Variants in PIBF1 observed in about 807,000 individuals in gnomAD.
PIBF1 encodes the protein progesterone-induced-blocking factor 1.
A neutral mutation model predicts 112.5 loss-of-function variants in PIBF1; 90 were observed. That is an observed-to-expected ratio of 0.80 (90% confidence interval 0.67 to 0.95). The LOEUF is 0.95. Among genes scored for constraint, PIBF1 ranks in the 40% least tolerant of loss-of-function variants. The pLI is 0.00. For synonymous variants in PIBF1, 301 were observed against 288.6 expected (o/e 1.04, Z -0.44); for missense variants, 915 against 852.3 (o/e 1.07, Z -0.92).
rs116051737 is a variant in PIBF1, at chr13:72,897,081, A to G, written c.1488+3132A>G. Among the ~76,000 whole-genome samples the G allele has an allele frequency of 6.7e-3, 1,016 of 152,338 alleles. 19 individuals are homozygous for G. Among genetic ancestry groups the G allele is most frequent in the African/African-American group, 0.022 (934 of 41,576 alleles). The stretch of plus-strand genomic sequence containing the variant: ...CAGGTTTTCCTATAGAGGAAAACCT[A>G]TAAGATTAACAGCAGATTCCTCAGC... On this transcript the variant is annotated intron_variant, in intron 11 of 17. Transcript: ENST00000326291.
chr13:72,944,847 A>C (rs950097686), intron 14 of PIBF1, among the ~76,000 whole-genome samples: 1 of 151,934 alleles, frequency 6.6e-6, no homozygotes, highest in South Asian at 2.1e-4. Flanking sequence ...GTTCACTGCA[A>C]CCTCTGCCTC....
chr13:72,873,105 A>C (rs929965542), intron 10 of PIBF1, among the ~76,000 whole-genome samples: 2 of 152,206 alleles, frequency 1.3e-5, no homozygotes, highest in African/African-American at 4.8e-5. Context: ...TAAAATTTAC[A>C]TGGAAATCGA....
intron 13 of PIBF1, among the ~76,000 whole-genome samples, chr13:72,927,039 A>G (rs916212740): frequency 2.0e-5 from 3 of 151,832 alleles, no homozygotes; most frequent in African/African-American, 4.8e-5. Flanking sequence ...ATTGATATTC[A>G]TCACCAAGAA....
chr13:72,827,441 G>A (rs1025558186), intron 7 of PIBF1, among the ~76,000 whole-genome samples: 13 of 151,710 alleles, frequency 8.6e-5, no homozygotes, highest in Non-Finnish European at 1.8e-4. Flanking sequence ...TAGAAACAGG[G>A]TTTCACCATG....
chr13:72,895,503 T>C (rs1292105165), intron 11 of PIBF1, among the ~76,000 whole-genome samples: 1 of 151,774 alleles, frequency 6.6e-6, no homozygotes, highest in Non-Finnish European at 1.5e-5. Flanking sequence ...AGAAATGAAA[T>C]GCAAATTGCT....
At chr13:73,014,265 A>G (rs1462391262) in intron 17 of PIBF1, among the ~76,000 whole-genome samples, 1 of 152,006 alleles carries the variant, frequency 6.6e-6, no homozygotes, top group African/African-American at 2.4e-5. Flanking sequence ...CTAAAATTGT[A>G]CCTATTCTCT....
intron 10 of PIBF1, among the ~76,000 whole-genome samples, chr13:72,889,944 GTTGT>G (rs1382374163): frequency 6.6e-6 from 1 of 152,150 alleles, no homozygotes; most frequent in Non-Finnish European, 1.5e-5. Flanking sequence ...TCAAAAATCA[GTTGT>G]TTCTCATTGA....
intron 14 of PIBF1, 114 bp from the exon 15 acceptor site, chr13:72,965,160 T>A: frequency 1.1e-6 from 1 of 914,778 alleles, no homozygotes; most frequent in Non-Finnish European, 1.7e-6. Flanking sequence ...GAAAAGCTTT[T>A]CAGAATAATT....
chr13:72,883,026 T>A (rs2039705065), intron 10 of PIBF1, among the ~76,000 whole-genome samples: 1 of 152,182 alleles, frequency 6.6e-6, no homozygotes, highest in South Asian at 2.1e-4. Flanking sequence ...CAAAGAAATA[T>A]CTGCACTTCC....
intron 8 of PIBF1, among the ~76,000 whole-genome samples, chr13:72,833,639 A>G (rs971014742): frequency 1.3e-5 from 2 of 152,170 alleles, no homozygotes; most frequent in Admixed American, 6.5e-5. Context: ...CCAGAGGGGC[A>G]CCTGCCAGAT....
intron 14 of PIBF1, among the ~76,000 whole-genome samples, chr13:72,962,909 G>A (rs889979731): frequency 2.0e-5 from 3 of 152,192 alleles, no homozygotes; most frequent in Non-Finnish European, 4.4e-5. Flanking sequence ...CAGCAAAACA[G>A]TGTGCAACTA....
At position 72,965,260 on chromosome 13, in the gene PIBF1, CT is replaced by C. The variant is rs2042709742; in HGVS notation, c.1834-13del. On this transcript the variant is annotated splice_polypyrimidine_tract_variant and intron_variant, in intron 14 of 17. Coordinates refer to ENST00000326291, the MANE Select transcript of PIBF1 (RefSeq NM_006346.4). ...CACATTTTCTAGATTTTAATGAAAC[CT>C]GTGTTTCTTTAGCTTGACAGAGCCA... 1.2e-6 allele frequency: 2 copies of C among 1,602,170 alleles called. No homozygotes were observed. Among genetic ancestry groups the C allele is most frequent in the Non-Finnish European group, 1.7e-6 (2 of 1,174,882 alleles).
At position 72,939,090 on chromosome 13, in the gene PIBF1, G is replaced by T. The variant is rs74743087; in HGVS notation, c.1833+7823G>T. 3.3e-5 allele frequency among the ~76,000 whole-genome samples: 5 copies of T among 152,176 alleles called. No homozygotes were observed. In the East Asian group the frequency reaches 7.7e-4, roughly 23 times the overall value. ...GACCTTTATCCAATACATGATTTGCGAATATTTTCTCCCATTCTGTGTGGG... is the reference window on the plus strand; with the variant it reads ...GACCTTTATCCAATACATGATTTGCTAATATTTTCTCCCATTCTGTGTGGG... On this transcript the variant is annotated intron_variant, in intron 14 of 17. Coordinates refer to ENST00000326291, the MANE Select transcript of PIBF1 (RefSeq NM_006346.4).
intron 5 of PIBF1, among the ~76,000 whole-genome samples, chr13:72,800,821 G>A (rs1367449430): frequency 6.6e-6 from 1 of 152,020 alleles, no homozygotes; most frequent in East Asian, 1.9e-4. Flanking sequence ...ATAGAAAAAA[G>A]AAAAAAATAG....
chr13:72,897,780 C>T (rs1486969398), intron 11 of PIBF1, among the ~76,000 whole-genome samples: 1 of 152,182 alleles, frequency 6.6e-6, no homozygotes, highest in East Asian at 1.9e-4. Flanking sequence ...GGACCTAACA[C>T]TGGAGCTCCC....
At chr13:72,969,782 A>T (rs1056976564) in intron 15 of PIBF1, 5 of 152,184 alleles carry the variant, frequency 3.3e-5, no homozygotes, top group Admixed American at 1.3e-4. Context: ...TTAGATATTA[A>T]TATGAACCCG....
At chr13:72,987,858 ATTTTTTTTTTTTT>A (rs55999445) in intron 16 of PIBF1, among the ~76,000 whole-genome samples, 1 of 58,136 alleles carries the variant, frequency 1.7e-5, no homozygotes, top group African/African-American at 9.3e-5. Flanking sequence ...TTATTTATTT[ATTTTTTTTTTTTT>A]TTTTTTTTTT....
intron 14 of PIBF1, among the ~76,000 whole-genome samples, chr13:72,940,103 A>G (rs1279193658): frequency 2.6e-5 from 4 of 152,110 alleles, no homozygotes; most frequent in African/African-American, 9.6e-5. Flanking sequence ...TAAATTTTTA[A>G]ATACTTCAAT....
At chr13:72,861,872 G>T (rs1211180822) in intron 10 of PIBF1, among the ~76,000 whole-genome samples, 1 of 152,156 alleles carries the variant, frequency 6.6e-6, no homozygotes, top group Non-Finnish European at 1.5e-5. Flanking sequence ...AGAAACTAAT[G>T]AGAGAAACTA....
Sources: allele counts gnomAD v4.1 joint callset (sites outside exome capture counted in the v4.1 genomes callset), GRCh38; gene constraint gnomAD v4.1.1; transcripts MANE v1.5; gene names NCBI Gene and HGNC (gene_info 2026-07-23, HGNC 2026-07-21).